The following KLF12 variants were observed in gnomAD, a reference collection of about 807,000 sequenced individuals.
The protein encoded by KLF12 is KLF transcription factor 12.
KLF12 carries 9 observed loss-of-function variants against 37.8 expected under a neutral mutation model. That is an observed-to-expected ratio of 0.24 (90% confidence interval 0.14 to 0.42). KLF12 has a LOEUF of 0.42. KLF12 is among the 10% of genes least tolerant of loss of function. KLF12 has a pLI of 1.00. For synonymous variants in KLF12, 208 were observed against 202.1 expected, an observed-to-expected ratio of 1.03 and a Z score of -0.25; for missense variants, 411 against 516.0, an observed-to-expected ratio of 0.80 and a Z score of 1.97.
chr13:73,730,691 G>A (rs1374193084), intron 6 of KLF12, among the ~76,000 whole-genome samples: 1 of 151,970 alleles, frequency 6.6e-6, no homozygotes, highest in East Asian at 1.9e-4. Context: ...GAAGAATACT[G>A]GTATGTGGAT....
chr13:74,137,025 T>C (rs550161109), upstream of KLF12, among the ~76,000 whole-genome samples: 1 of 152,352 alleles, frequency 6.6e-6, no homozygotes, highest in Non-Finnish European at 1.5e-5. Context: ...GAGGAGTGTG[T>C]GTGTGTACAC....
rs866571731 is a variant in KLF12 at position 73,787,660 on chromosome 13, G to C, written c.807-22660C>G. On this transcript the variant is annotated intron_variant, in intron 5 of 7. Transcript: ENST00000377669. ...TGAAAGATCACAAAGCTGGTACATG[G>C]AAGTTTGGGGATTGGAACTCAAGCA... 2.0e-5 allele frequency among the ~76,000 whole-genome samples: 3 copies of C among 152,290 alleles called. No individual in the cohort carries two copies. The Middle Eastern group carries it at 0.01, about 518-fold the overall frequency.
At chr13:73,963,637 A>G (rs1460752254) in intron 2 of KLF12, among the ~76,000 whole-genome samples, 3 of 152,200 alleles carry the variant, frequency 2.0e-5, no homozygotes, top group African/African-American at 4.8e-5. Flanking sequence ...AATTTTCTAT[A>G]TGGAAAAGTT....
At chr13:73,870,291 T>C (rs892739543) in intron 3 of KLF12, among the ~76,000 whole-genome samples, 1 of 152,206 alleles carries the variant, frequency 6.6e-6, no homozygotes, top group African/African-American at 2.4e-5. Context: ...TGTCAGCAAG[T>C]TGAAGATTTA....
the KLF12 span, among the ~76,000 whole-genome samples, chr13:74,209,854 A>G: frequency 6.6e-6 from 1 of 152,186 alleles, no homozygotes; most frequent in Non-Finnish European, 1.5e-5. Context: ...CACAACTAAT[A>G]CTAAAAACAG....
chr13:74,269,440 T>C, the KLF12 span, among the ~76,000 whole-genome samples: 1 of 152,162 alleles, frequency 6.6e-6, no homozygotes, highest in Non-Finnish European at 1.5e-5. Context: ...GAACAATATT[T>C]ATGTGTGATG....
At chr13:73,903,478 T>G (rs1436879827) in intron 3 of KLF12, among the ~76,000 whole-genome samples, 1 of 152,264 alleles carries the variant, frequency 6.6e-6, no homozygotes, top group Non-Finnish European at 1.5e-5. Flanking sequence ...CATTTTACTA[T>G]GAAATTTAGT....
At chr13:74,235,669 C>A in the KLF12 span, among the ~76,000 whole-genome samples, 1 of 152,048 alleles carries the variant, frequency 6.6e-6, no homozygotes, top group Non-Finnish European at 1.5e-5. Context: ...TTATAATTAT[C>A]AAAAGCTATA....
intron 3 of KLF12, among the ~76,000 whole-genome samples, chr13:73,874,551 T>C (rs1886615892): frequency 2.0e-5 from 3 of 152,214 alleles, no homozygotes; most frequent in African/African-American, 7.2e-5. Context: ...CTATTCTAAA[T>C]TGGAATCAAT....
chr13:74,081,358 T>C (rs1011714140), intron 1 of KLF12, among the ~76,000 whole-genome samples: 15 of 152,346 alleles, frequency 9.8e-5, no homozygotes, highest in Middle Eastern at 3.4e-3. Context: ...TCACTGCTGA[T>C]GCTTCTTTCA....
rs576525434 is a variant in KLF12, at chr13:73,698,901, T to C, written c.1028-3230A>G. ...GGGATTATATATTACACATTGGGTG[T>C]TGGAAATGGGTGGGTGAGGGAATGT... On this transcript the variant is annotated intron_variant, in intron 7 of 7. Transcript: ENST00000377669. Among the ~76,000 whole-genome samples the C allele has an allele frequency of 9.2e-5, 14 of 152,292 alleles. No homozygotes were observed. The South Asian group carries it at 2.5e-3, about 27-fold the overall frequency.
intron 5 of KLF12, among the ~76,000 whole-genome samples, chr13:73,774,916 C>CTTTTTTTTTTT (rs59877053): frequency 7.7e-6 from 1 of 130,386 alleles, no homozygotes; most frequent in Non-Finnish European, 1.7e-5. Context: ...CTCTCGCATT[C>CTTTTTTTTTTT]TTTTTTTTTT....
intron 6 of KLF12, among the ~76,000 whole-genome samples, chr13:73,759,913 CAAGA>C (rs1879437778): frequency 6.6e-6 from 1 of 152,100 alleles, no homozygotes; most frequent in Non-Finnish European, 1.5e-5. Context: ...AAGGTTTAAG[CAAGA>C]AAGAATGTTC....
chr13:73,877,328 T>C (rs1364673300), intron 3 of KLF12, among the ~76,000 whole-genome samples: 1 of 152,196 alleles, frequency 6.6e-6, no homozygotes, highest in African/African-American at 2.4e-5. Context: ...AAAATGCCTT[T>C]TTTTAGTCAT....
intron 5 of KLF12, among the ~76,000 whole-genome samples, chr13:73,785,429 T>G (rs957986037): frequency 5.9e-5 from 9 of 152,176 alleles, no homozygotes; most frequent in Non-Finnish European, 8.8e-5. Flanking sequence ...TATTTTCTAA[T>G]GAAATGTCTT....
chr13:74,256,077 C>T, the KLF12 span, among the ~76,000 whole-genome samples: 1 of 151,756 alleles, frequency 6.6e-6, no homozygotes, highest in African/African-American at 2.4e-5. Context: ...ATGGCGTGAA[C>T]CCAGAAGGCG....
the KLF12 span, among the ~76,000 whole-genome samples, chr13:74,223,254 C>T: frequency 2.6e-5 from 4 of 152,186 alleles, no homozygotes; most frequent in Admixed American, 6.5e-5. Flanking sequence ...AATACACAAT[C>T]GGACTCTTCC....
intron 3 of KLF12, among the ~76,000 whole-genome samples, chr13:73,877,931 G>A (rs557842757): frequency 6.6e-6 from 1 of 152,054 alleles, no homozygotes; most frequent in African/African-American, 2.4e-5. Context: ...GACTACTCTG[G>A]CCTGCCACGA....
intron 3 of KLF12, among the ~76,000 whole-genome samples, chr13:73,927,871 T>A (rs1402004180): frequency 1.3e-5 from 2 of 150,266 alleles, no homozygotes; most frequent in Admixed American, 1.3e-4. Flanking sequence ...CTCTTTTTTT[T>A]TTTTTCAGAC....
Sources: allele counts gnomAD v4.1 joint callset (sites outside exome capture counted in the v4.1 genomes callset), GRCh38; gene constraint gnomAD v4.1.1; transcripts MANE v1.5; gene names NCBI Gene and HGNC (gene_info 2026-07-23, HGNC 2026-07-21).